Variants in PCDH15 observed in about 807,000 individuals in gnomAD.
PCDH15 encodes the protein protocadherin-15.
In PCDH15, 129 loss-of-function variants were observed where a neutral mutation model predicts 178.5. The ratio of observed to expected loss-of-function variants is 0.72; its 90% CI spans 0.63 to 0.84. The LOEUF is 0.84. Among genes scored for constraint, PCDH15 ranks in the 40% least tolerant of loss-of-function variants. The pLI is 0.00. For missense variants in PCDH15, 2,230 were observed against 2,099.9 expected, an observed-to-expected ratio of 1.06 and a Z score of -1.21; for synonymous variants, 800 against 732.0, an observed-to-expected ratio of 1.09 and a Z score of -1.50.
At chr10:54,505,273 T>C (rs1441435905) in intron 3 of PCDH15, among the ~76,000 whole-genome samples, 2 of 152,134 alleles carry the variant, frequency 1.3e-5, no homozygotes, top group African/African-American at 4.8e-5. Context: ...GTTTTTCTCA[T>C]GAATTTCTAT....
intron 2 of PCDH15, among the ~76,000 whole-genome samples, chr10:54,655,304 C>CAGACAGAGAG (rs2094372266): frequency 9.9e-5 from 8 of 80,648 alleles, no homozygotes; most frequent in Non-Finnish European, 1.5e-4. Context: ...GAGAGAGAGA[C>CAGACAGAGAG]AGAGAGAGAG....
intron 2 of PCDH15, among the ~76,000 whole-genome samples, chr10:55,076,679 A>G (rs1473937543): frequency 6.6e-6 from 1 of 151,476 alleles, no homozygotes; most frequent in Admixed American, 6.6e-5. Flanking sequence ...GGCTAGTATC[A>G]AACTTATGAA....
intron 1 of PCDH15, among the ~76,000 whole-genome samples, chr10:54,692,208 C>A (rs1042993913): frequency 6.6e-6 from 1 of 152,128 alleles, no homozygotes; most frequent in Non-Finnish European, 1.5e-5. Flanking sequence ...TCATTTAGAT[C>A]AACTTTTAAG....
rs544951788 is a variant in PCDH15 at position 55,227,275 on chromosome 10, C to T, written c.-155-60624G>A. Among the ~76,000 whole-genome samples the T allele has an allele frequency of 2.6e-4, 40 of 152,100 alleles. 1 individual carries two copies. The highest frequency in any genetic ancestry group is 8.4e-4 in the African/African-American group (35 of 41,464). ...GATAAATGTTTTTAAAATTCTCAGA[C>T]GACTAAATTTACATGTAAAACCAAA... On this transcript the variant is annotated intron_variant, in intron 1 of 5. Coordinates refer to the PCDH15 transcript ENST00000458638.
chr10:54,678,420 CT>C (rs1420275291), intron 1 of PCDH15, among the ~76,000 whole-genome samples: 1 of 151,990 alleles, frequency 6.6e-6, no homozygotes, highest in Non-Finnish European at 1.5e-5. Context: ...GTTAGAAAAT[CT>C]TGTAAACTAG....
intron 1 of PCDH15, among the ~76,000 whole-genome samples, chr10:54,752,532 A>G (rs1946481698): frequency 6.7e-6 from 1 of 148,428 alleles, no homozygotes; most frequent in African/African-American, 2.5e-5. Context: ...AAACAAACAA[A>G]AAAAAACAAT....
intron 10 of PCDH15, among the ~76,000 whole-genome samples, chr10:54,207,525 GACTT>G (rs894550884): frequency 1.6e-4 from 24 of 151,982 alleles, no homozygotes; most frequent in Admixed American, 6.6e-4. Flanking sequence ...TTTTTAGACT[GACTT>G]CTTTTTGAGC....
intron 1 of PCDH15, among the ~76,000 whole-genome samples, chr10:54,784,337 TAA>T (rs34935807): frequency 0.045 from 6,554 of 145,792 alleles, 475 homozygotes; most frequent in African/African-American, 0.15. Flanking sequence ...ATAATAATAA[TAA>T]AAAAAAAAAA....
intron 18 of PCDH15, among the ~76,000 whole-genome samples, chr10:54,026,628 T>G (rs1319042000): frequency 6.6e-6 from 1 of 152,192 alleles, no homozygotes; most frequent in Non-Finnish European, 1.5e-5. Flanking sequence ...TTGGCTCTGT[T>G]TATATGCTGG....
chr10:53,855,796 G>A (rs1304500567), intron 28 of PCDH15, among the ~76,000 whole-genome samples: 2 of 150,966 alleles, frequency 1.3e-5, no homozygotes, highest in African/African-American at 2.4e-5. Flanking sequence ...CCTAGACAAC[G>A]GGTTGATAGG....
At chr10:54,636,662 AAAG>A (rs1340315882) in intron 2 of PCDH15, among the ~76,000 whole-genome samples, 1 of 151,876 alleles carries the variant, frequency 6.6e-6, no homozygotes, top group Non-Finnish European at 1.5e-5. Context: ...AGCAGAATTG[AAAG>A]AAGAACATGG....
chr10:54,110,098 T>C (rs1386327333), intron 15 of PCDH15, among the ~76,000 whole-genome samples: 1 of 152,048 alleles, frequency 6.6e-6, no homozygotes, highest in Non-Finnish European at 1.5e-5. Context: ...TGGTAATAAG[T>C]TTGTCTGCGT....
intron 2 of PCDH15, among the ~76,000 whole-genome samples, chr10:55,369,994 C>T (rs751507070): frequency 1.4e-5 from 2 of 147,800 alleles, no homozygotes; most frequent in African/African-American, 2.5e-5. Flanking sequence ...AATTATATAA[C>T]CTAAATTTTA....
intron 2 of PCDH15, among the ~76,000 whole-genome samples, chr10:55,367,467 G>A (rs2131985471): frequency 6.6e-6 from 1 of 152,128 alleles, no homozygotes; most frequent in East Asian, 1.9e-4. Flanking sequence ...TGGAGTCCCT[G>A]CTACTTGGGA....
chr10:54,039,896 T>C (rs1318082340), intron 18 of PCDH15, among the ~76,000 whole-genome samples: 2 of 151,954 alleles, frequency 1.3e-5, no homozygotes, highest in African/African-American at 4.8e-5. Context: ...TAAAGAGAAA[T>C]GAGAAAGAAA....
At chr10:53,991,606 G>A (rs1185380922) in intron 21 of PCDH15, among the ~76,000 whole-genome samples, 2 of 151,474 alleles carry the variant, frequency 1.3e-5, no homozygotes, top group Non-Finnish European at 2.9e-5. Flanking sequence ...GACTGTAAAT[G>A]CACCAATCAG....
intron 15 of PCDH15, among the ~76,000 whole-genome samples, chr10:54,120,466 T>G (rs2095196426): frequency 1.3e-5 from 2 of 151,910 alleles, no homozygotes; most frequent in Admixed American, 1.3e-4. Flanking sequence ...AGGCACAGAG[T>G]GGCAAGTTGG....
At chr10:54,499,917 C>T (rs1738977955) in intron 3 of PCDH15, among the ~76,000 whole-genome samples, 1 of 152,066 alleles carries the variant, frequency 6.6e-6, no homozygotes, top group Non-Finnish European at 1.5e-5. Flanking sequence ...TTAGAACTAA[C>T]ATTTGACCCA....
chr10:54,904,842 G>C (rs903272984), intron 2 of PCDH15, among the ~76,000 whole-genome samples: 1 of 151,156 alleles, frequency 6.6e-6, no homozygotes, highest in Non-Finnish European at 1.5e-5. Context: ...AGAAGGTCAA[G>C]AGGTAAAGTG....
Sources: allele counts gnomAD v4.1 joint callset (sites outside exome capture counted in the v4.1 genomes callset), GRCh38; gene constraint gnomAD v4.1.1; transcripts MANE v1.5; gene names NCBI Gene and HGNC (gene_info 2026-07-23, HGNC 2026-07-21).